PRR16: variants seen among roughly 807,000 people sequenced by gnomAD.
PRR16 encodes the protein proline rich 16.
A neutral mutation model predicts 18.2 loss-of-function variants in PRR16; 6 were observed. The observed-to-expected ratio is 0.33, with a 90% CI of 0.18 to 0.65. PRR16 has a LOEUF of 0.65. Ranked by LOEUF, PRR16 falls within the 30% of genes least tolerant of loss-of-function variation. The probability of loss-of-function intolerance (pLI) is 0.74; values close to 1 mark genes in which losing one functional copy is unlikely to be tolerated. For missense variants in PRR16, 412 were observed against 376.6 expected, an observed-to-expected ratio of 1.09 and a Z score of -0.78; for synonymous variants, 151 against 147.8, an observed-to-expected ratio of 1.02 and a Z score of -0.16.
intron 1 of PRR16, among the ~76,000 whole-genome samples, chr5:120,519,769 A>G (rs1317522004): frequency 1.3e-5 from 2 of 152,130 alleles, no homozygotes; most frequent in African/African-American, 2.4e-5. Flanking sequence ...AAAAGAAAAA[A>G]TATGTGCCAG....
At chr5:120,552,095 T>C (rs1752271777) in intron 1 of PRR16, among the ~76,000 whole-genome samples, 1 of 152,008 alleles carries the variant, frequency 6.6e-6, no homozygotes, top group African/African-American at 2.4e-5. Context: ...CATGTATCTT[T>C]CATAGTAGTG....
chr5:120,492,765 G>A lies in PRR16; in HGVS notation c.159+28120G>A, dbSNP rs555619220. On this transcript the variant is annotated intron_variant, in intron 1 of 1. Coordinates refer to ENST00000407149, the MANE Select transcript of PRR16 (RefSeq NM_001300783.2). Reference sequence around the variant, plus strand: ...CCGTTATATCACTCTATATGTTTTGGGGTCCTCATAGCTTAGATCCCAGTT... The same window carrying A: ...CCGTTATATCACTCTATATGTTTTGAGGTCCTCATAGCTTAGATCCCAGTT... 3.9e-5 allele frequency among the ~76,000 whole-genome samples: 6 copies of A among 152,028 alleles called. No homozygotes were observed. The South Asian group carries it at 1.0e-3, about 26-fold the overall frequency.
At chr5:120,582,764 G>C (rs1048629675) in intron 1 of PRR16, among the ~76,000 whole-genome samples, 5 of 149,828 alleles carry the variant, frequency 3.3e-5, no homozygotes, top group African/African-American at 1.3e-4. Flanking sequence ...CTGTCAATAA[G>C]AAATTGCCCA....
At chr5:120,665,265 G>T (rs1337681716) in intron 1 of PRR16, among the ~76,000 whole-genome samples, 1 of 150,826 alleles carries the variant, frequency 6.6e-6, no homozygotes, top group Admixed American at 6.6e-5. Context: ...CTTTTGAGAA[G>T]TGTCTGTTCA....
chr5:120,774,441 T>G, the PRR16 span, among the ~76,000 whole-genome samples: 1 of 152,140 alleles, frequency 6.6e-6, no homozygotes, highest in Non-Finnish European at 1.5e-5. Flanking sequence ...TGTATAAATA[T>G]TATTCTCTGT....
chr5:120,520,950 G>A (rs1431032643), intron 1 of PRR16, among the ~76,000 whole-genome samples: 2 of 151,808 alleles, frequency 1.3e-5, no homozygotes, highest in African/African-American at 4.8e-5. Flanking sequence ...CCATTAGATG[G>A]AAATTTGTCC....
At chr5:120,506,170 A>G (rs1487414984) in intron 1 of PRR16, among the ~76,000 whole-genome samples, 2 of 152,004 alleles carry the variant, frequency 1.3e-5, no homozygotes, top group Non-Finnish European at 2.9e-5. Context: ...AGGGTCTTTC[A>G]CATGAGTTCT....
At chr5:120,539,908 A>T (rs564447960) in intron 1 of PRR16, among the ~76,000 whole-genome samples, 2 of 151,836 alleles carry the variant, frequency 1.3e-5, no homozygotes, top group Non-Finnish European at 2.9e-5. Flanking sequence ...TTTAGAGTCT[A>T]TTGTGTTTTA....
At chr5:120,496,618 C>T (rs1277934945) in intron 1 of PRR16, among the ~76,000 whole-genome samples, 2 of 151,310 alleles carry the variant, frequency 1.3e-5, no homozygotes, top group African/African-American at 4.8e-5. Flanking sequence ...CGATCTTTTT[C>T]GAGATTTGTA....
chr5:120,589,669 C>G (rs1384113014), intron 1 of PRR16, among the ~76,000 whole-genome samples: 2 of 152,020 alleles, frequency 1.3e-5, no homozygotes, highest in African/African-American at 4.8e-5. Flanking sequence ...GATGTGAAAG[C>G]GGAAATCCCT....
intron 1 of PRR16, among the ~76,000 whole-genome samples, chr5:120,553,737 G>T (rs757987260): frequency 2.6e-5 from 4 of 151,702 alleles, no homozygotes; most frequent in Non-Finnish European, 5.9e-5. Flanking sequence ...ATTTTTTCTA[G>T]TTCTCTACAC....
chr5:120,683,923 A>G (rs1252194888), intron 1 of PRR16, among the ~76,000 whole-genome samples: 1 of 76,890 alleles, frequency 1.3e-5, no homozygotes, highest in East Asian at 2.1e-4. Context: ...TTCTGCTTCA[A>G]AAAAAAAAAA....
At chr5:120,533,860 C>T (rs1017981439) in intron 1 of PRR16, among the ~76,000 whole-genome samples, 24 of 152,166 alleles carry the variant, frequency 1.6e-4, no homozygotes, top group Admixed American at 1.6e-3. Context: ...AAAGATCATT[C>T]TAATATTTGT....
chr5:120,526,347 T>C, intron 1 of PRR16, among the ~76,000 whole-genome samples: 1 of 152,212 alleles, frequency 6.6e-6, no homozygotes, highest in Non-Finnish European at 1.5e-5. Flanking sequence ...ATTCATATCA[T>C]GACTTTCAGA....
At chr5:120,526,024 G>A (rs1479292878) in intron 1 of PRR16, among the ~76,000 whole-genome samples, 1 of 152,092 alleles carries the variant, frequency 6.6e-6, no homozygotes, top group East Asian at 1.9e-4. Flanking sequence ...CTGGGAAAGG[G>A]GCCGAGAAAC....
chr5:120,509,488 G>A (rs982559167), intron 1 of PRR16, among the ~76,000 whole-genome samples: 31 of 152,020 alleles, frequency 2.0e-4, no homozygotes, highest in East Asian at 3.9e-4. Context: ...AGAGTGAGGC[G>A]TAAATAAGAA....
intron 1 of PRR16, among the ~76,000 whole-genome samples, chr5:120,469,398 C>T (rs142371094): frequency 6.6e-6 from 1 of 152,324 alleles, no homozygotes; most frequent in Non-Finnish European, 1.5e-5. Flanking sequence ...TCTTGGCTCA[C>T]TGCAGCCTCC....
intron 1 of PRR16, among the ~76,000 whole-genome samples, chr5:120,612,084 A>G (rs768742922): frequency 7.2e-5 from 11 of 152,130 alleles, no homozygotes; most frequent in Non-Finnish European, 1.3e-4. Context: ...CTGGATTTCA[A>G]ACTTGCACAG....
chr5:120,666,221 T>C (rs1318644344), intron 1 of PRR16, among the ~76,000 whole-genome samples: 2 of 152,224 alleles, frequency 1.3e-5, no homozygotes, highest in Admixed American at 1.3e-4. Context: ...TTTGAAGCAA[T>C]TGTGAATGGG....
Sources: gnomAD v4.1 joint callset for allele counts (sites outside exome capture counted in the v4.1 genomes callset) on GRCh38, gnomAD v4.1.1 for gene constraint, MANE v1.5 for transcripts, NCBI Gene and HGNC (gene_info 2026-07-23, HGNC 2026-07-21) for gene names.